SPINK1: variants seen among roughly 807,000 people sequenced by gnomAD.
SPINK1 encodes the protein serine protease inhibitor Kazal-type 1.
A neutral mutation model predicts 9.5 loss-of-function variants in SPINK1; 5 were observed. That is an observed-to-expected ratio of 0.52 (90% CI 0.27 to 1.10). The LOEUF (loss-of-function observed/expected upper bound fraction) is 1.10. SPINK1 is among the 50% of genes least tolerant of loss of function. The pLI, the probability that SPINK1 is intolerant of heterozygous loss-of-function variation, is 0.11. For synonymous variants in SPINK1, 37 were observed against 32.3 expected (o/e 1.14, Z -0.49); for missense variants, 88 against 92.7 (o/e 0.95, Z 0.21).
At chr5:147,826,441 T>A (rs1482266885) in intron 3 of SPINK1, among the ~76,000 whole-genome samples, 3 of 152,212 alleles carry the variant, frequency 2.0e-5, no homozygotes, top group African/African-American at 7.2e-5. Flanking sequence ...TACATAGTTT[T>A]GAACAAATAG....
chr5:147,837,836 G>T, the SPINK1 span, among the ~76,000 whole-genome samples: 1 of 151,810 alleles, frequency 6.6e-6, no homozygotes, highest in South Asian at 2.1e-4. Flanking sequence ...TGAGTAGCTG[G>T]GACTACAGGC....
chr5:147,825,980 GT>G (rs1443548794), intron 3 of SPINK1, among the ~76,000 whole-genome samples: 2 of 152,168 alleles, frequency 1.3e-5, no homozygotes, highest in African/African-American at 4.8e-5. Flanking sequence ...ATTTAAGTTA[GT>G]GTTAGCCACA....
intron 1 of SPINK1, among the ~76,000 whole-genome samples, chr5:147,830,482 G>A (rs1042719146): frequency 2.0e-5 from 3 of 152,170 alleles, no homozygotes; most frequent in Non-Finnish European, 1.5e-5. Flanking sequence ...GTATCTAAAT[G>A]TAATGAAAAT....
chr5:147,834,846 A>T (rs777439795), upstream of SPINK1, among the ~76,000 whole-genome samples: 1 of 152,146 alleles, frequency 6.6e-6, no homozygotes, highest in Non-Finnish European at 1.5e-5. Context: ...CATATGCATT[A>T]TATGTAGATA....
At chr5:147,825,617 T>C (rs1436501044) in intron 3 of SPINK1, among the ~76,000 whole-genome samples, 8 of 151,954 alleles carry the variant, frequency 5.3e-5, no homozygotes, top group Non-Finnish European at 8.8e-5. Context: ...AATATTTGTA[T>C]TTTTAGTAGA....
chr5:147,836,861 C>T, the SPINK1 span, among the ~76,000 whole-genome samples: 1 of 152,164 alleles, frequency 6.6e-6, no homozygotes, highest in Non-Finnish European at 1.5e-5. Context: ...ACAGATGACA[C>T]CTTGGCTCTG....
chr5:147,834,691 A>G (rs1295797746), upstream of SPINK1, among the ~76,000 whole-genome samples: 3 of 152,146 alleles, frequency 2.0e-5, no homozygotes, highest in African/African-American at 7.2e-5. Context: ...ATCTGGTCAC[A>G]GAAACTCATT....
chr5:147,833,868 T>G (rs1287110140), upstream of SPINK1, among the ~76,000 whole-genome samples: 1 of 152,170 alleles, frequency 6.6e-6, no homozygotes, highest in Non-Finnish European at 1.5e-5. Context: ...CCCCAAGAGA[T>G]TCTTCCTTGC....
chr5:147,837,706 T>TTTCTTTCTTTCTTTCTTTCC, the SPINK1 span, among the ~76,000 whole-genome samples: 7 of 148,444 alleles, frequency 4.7e-5, no homozygotes, highest in South Asian at 2.2e-4. Context: ...TCTTTCTTTC[T>TTTCTTTCTTTCTTTCTTTCC]TTCTTTCTTT....
intron 3 of SPINK1, among the ~76,000 whole-genome samples, chr5:147,826,545 T>C (rs1756407799): frequency 6.6e-6 from 1 of 152,212 alleles, no homozygotes; most frequent in African/African-American, 2.4e-5. Context: ...ACTGTAAATG[T>C]TGAGCGGCAC....
At chr5:147,834,727 T>G (rs1426111930), upstream of SPINK1, among the ~76,000 whole-genome samples, 2 of 152,112 alleles carry the variant, frequency 1.3e-5, no homozygotes, top group Non-Finnish European at 2.9e-5. Context: ...CAGTAATAAC[T>G]TTAGATTTAG....
chr5:147,835,832 C>T (rs1746496235), upstream of SPINK1, among the ~76,000 whole-genome samples: 1 of 152,130 alleles, frequency 6.6e-6, no homozygotes, highest in South Asian at 2.1e-4. Context: ...TTGGAGACCT[C>T]CTTGACATAG....
rs919771421 is a variant in SPINK1 at position 147,830,237 on chromosome 5, G to C, written c.56-607C>G. 3.9e-5 allele frequency among the ~76,000 whole-genome samples: 6 copies of C among 152,106 alleles called. No individual in the cohort carries two copies. In the South Asian group the frequency reaches 1.2e-3, roughly 32 times the overall value. On this transcript the variant is annotated intron_variant, in intron 1 of 3. Transcript: ENST00000296695. ...CTATTTCCAACAATTGCATCATATG[G>C]ACTATGGGTCTAACTCACATTTGTT...
At chr5:147,825,707 C>T (rs1224277174) in intron 3 of SPINK1, among the ~76,000 whole-genome samples, 1 of 152,172 alleles carries the variant, frequency 6.6e-6, no homozygotes, top group Non-Finnish European at 1.5e-5. Context: ...TTCCAAAGTG[C>T]TGGGATTACA....
At position 147,829,599 on chromosome 5, in the gene SPINK1, C is replaced by T. The variant is rs1292409970; in HGVS notation, c.87G>A (p.Glu29=). ...TAAGAAATTACAAATATCTCTTTAC[C>T]TCTCTTCCCAGGGAGTCAGCTCCAG... is the stretch of plus-strand genomic sequence containing the variant. The part of the protein sequence containing the change: ...GNTGADSLGR[E]AKCYNELNGC... The change falls in exon 2 of 4, where the codon GAG becomes GAA. Residue 29 remains glutamate, a splice_region_variant and synonymous_variant. Coordinates refer to ENST00000296695, the MANE Select transcript of SPINK1 (RefSeq NM_001379610.1). The T allele has an allele frequency of 6.2e-7, 1 of 1,612,464 alleles. No individual in the cohort carries two copies. Among genetic ancestry groups the T allele is most frequent in the South Asian group, 1.1e-5 (1 of 91,040 alleles).
At chr5:147,830,943 A>G (rs1441163745) in intron 1 of SPINK1, among the ~76,000 whole-genome samples, 1 of 152,206 alleles carries the variant, frequency 6.6e-6, no homozygotes, top group East Asian at 1.9e-4. Flanking sequence ...TAAATACACA[A>G]AATGCAATTT....
chr5:147,830,519 AT>A (rs745461056), intron 1 of SPINK1, among the ~76,000 whole-genome samples: 13 of 152,092 alleles, frequency 8.5e-5, no homozygotes, highest in Non-Finnish European at 1.3e-4. Flanking sequence ...AGCTTGGAGA[AT>A]TTCCCCCGGG....
intron 3 of SPINK1, among the ~76,000 whole-genome samples, chr5:147,825,124 A>T (rs1418404079): frequency 2.0e-5 from 3 of 152,094 alleles, no homozygotes; most frequent in African/African-American, 4.8e-5. Flanking sequence ...AGCTCTGGGG[A>T]TTCGTATCTG....
At chr5:147,837,455 G>T in the SPINK1 span, among the ~76,000 whole-genome samples, 2 of 152,172 alleles carry the variant, frequency 1.3e-5, no homozygotes, top group South Asian at 4.1e-4. Context: ...TTTGCATAAG[G>T]CTCATAGCTC....
Sources: gnomAD v4.1 joint callset for allele counts (sites outside exome capture counted in the v4.1 genomes callset) on GRCh38, gnomAD v4.1.1 for gene constraint, MANE v1.5 for transcripts, NCBI Gene and HGNC (gene_info 2026-07-23, HGNC 2026-07-21) for gene names.